ITGA8: variants seen among roughly 807,000 people sequenced by gnomAD.
ITGA8 encodes the protein integrin subunit alpha 8.
A neutral mutation model predicts 142.3 loss-of-function variants in ITGA8; 91 were observed. That is an observed-to-expected ratio of 0.64 (90% CI 0.54 to 0.76). ITGA8 has a LOEUF of 0.76. Ranked by LOEUF, ITGA8 falls within the 30% of genes least tolerant of loss-of-function variation. ITGA8 has a pLI of 0.00. For missense variants in ITGA8, 1,406 were observed against 1,327.7 expected (o/e 1.06, Z -0.92); for synonymous variants, 505 against 485.2 (o/e 1.04, Z -0.54).
chr10:15,678,634 G>T, intron 5 of ITGA8, 88 bp downstream of exon 5: 2 of 811,282 alleles, frequency 2.5e-6, no homozygotes, highest in Non-Finnish European at 4.2e-6. Context: ...TTTGGTGGTG[G>T]TGGTGGTTTT....
At chr10:15,529,258 G>A (rs1258712935) in intron 28 of ITGA8, among the ~76,000 whole-genome samples, 1 of 152,148 alleles carries the variant, frequency 6.6e-6, no homozygotes, top group Non-Finnish European at 1.5e-5. Context: ...GCCAGAGAAG[G>A]GGAGACATTT....
rs1833217818 is a variant in ITGA8, at chr10:15,607,598, A to G, written c.1764+79T>C. On this transcript the variant is annotated intron_variant, in intron 17 of 29. Coordinates refer to ENST00000378076, the MANE Select transcript of ITGA8 (RefSeq NM_003638.3). ...CAGATGGGGGTCTATGCAGACAAACATGATGGTTAAATGGAGAAAAATGGT... is the reference window on the plus strand; with the variant it reads ...CAGATGGGGGTCTATGCAGACAAACGTGATGGTTAAATGGAGAAAAATGGT... 4 of 1,382,610 alleles carry G rather than the reference A, an allele frequency of 2.9e-6. No individual in the cohort carries two copies. In the South Asian group the frequency reaches 3.5e-5, roughly 12 times the overall value. 85.6% of individuals were successfully genotyped at this position (1,382,610 alleles called of 1,614,324 possible). A position where few individuals can be genotyped will look rare whatever the true frequency, so the allele number is the denominator to read the frequency against.
chr10:15,694,296 ATATATATGATAATATATCATATATAT>A, intron 2 of ITGA8, among the ~76,000 whole-genome samples: 1 of 93,588 alleles, frequency 1.1e-5, no homozygotes, highest in South Asian at 3.3e-4. Context: ...ATAATATATC[ATATATATGATAATATATCATATATAT>A]GATAATATAT....
Position 15,515,732 on chromosome 10 carries a change from G to C in ITGA8, c.*1426C>G, listed in dbSNP as rs1209192275. The C allele has an allele frequency of 6.6e-6, 1 of 151,972 alleles. No individual in the cohort carries two copies. Among genetic ancestry groups the C allele is most frequent in the African/African-American group, 2.4e-5 (1 of 41,346 alleles). The allele number at this position is 151,972 out of a possible 1,614,324, so 9.4% of individuals were successfully genotyped here. A position where few individuals can be genotyped will look rare whatever the true frequency, so the allele number is the denominator to read the frequency against. On this transcript the variant is annotated 3_prime_UTR_variant, in exon 30 of 30. Transcript: ENST00000378076. Reference sequence around the variant, plus strand: ...CATTATTAAAAAAGGATACAAAATTGTGCAGACTACCTATAAATTTGGCTG... The same window carrying C: ...CATTATTAAAAAAGGATACAAAATTCTGCAGACTACCTATAAATTTGGCTG...
rs973149392 is a variant in ITGA8, at chr10:15,647,502, C to T, written c.1002-451G>A. ...ACGGAGTCTCGCTCTGTCGCCCAGG[C>T]CGGACTGCGGACTGCAGTGGCGCAA... On this transcript the variant is annotated intron_variant, in intron 11 of 29. Transcript: ENST00000378076. Among the ~76,000 whole-genome samples, 9 of 135,478 alleles carry T rather than the reference C, an allele frequency of 6.6e-5. No individual in the cohort carries two copies. In the East Asian group the frequency reaches 6.8e-4, roughly 10 times the overall value. The allele number at this position is 135,478 out of a possible 152,430, so 88.9% of individuals were successfully genotyped here. A position where few individuals can be genotyped will look rare whatever the true frequency, so the allele number is the denominator to read the frequency against.
At chr10:15,627,430 A>G (rs1222569788) in intron 13 of ITGA8, among the ~76,000 whole-genome samples, 7 of 152,314 alleles carry the variant, frequency 4.6e-5, no homozygotes, top group Non-Finnish European at 8.8e-5. Flanking sequence ...TACGCTGGCT[A>G]TCTCGTGAAC....
chr10:15,641,568 C>T (rs1833872371), intron 13 of ITGA8, among the ~76,000 whole-genome samples: 1 of 152,036 alleles, frequency 6.6e-6, no homozygotes, highest in Non-Finnish European at 1.5e-5. Flanking sequence ...ACAAGATATC[C>T]ATATTCCTAT....
intron 18 of ITGA8, 120 bp from the exon 19 acceptor site, chr10:15,605,911 T>G: frequency 1.2e-6 from 1 of 834,250 alleles, no homozygotes; most frequent in Non-Finnish European, 2.0e-6. Context: ...TATGCATGAC[T>G]CTACCCAAGC....
intron 13 of ITGA8, among the ~76,000 whole-genome samples, chr10:15,637,830 G>A (rs1006584322): frequency 6.6e-6 from 1 of 151,062 alleles, no homozygotes; most frequent in Admixed American, 6.6e-5. Context: ...AAATTGGCTT[G>A]ATGTTTTCCA....
At chr10:15,603,258 TTTG>T (rs1833134756) in intron 20 of ITGA8, among the ~76,000 whole-genome samples, 1 of 152,198 alleles carries the variant, frequency 6.6e-6, no homozygotes, top group South Asian at 2.1e-4. Context: ...ACAACAACAG[TTTG>T]TTAACATCTG....
At position 15,572,306 on chromosome 10, in the gene ITGA8, C is replaced by A. The variant is rs146071511; in HGVS notation, c.2542G>T (p.Ala848Ser). 168 of 1,613,868 alleles carry A rather than the reference C, an allele frequency of 1.0e-4. 1 individual carries two copies. In the Middle Eastern group the frequency reaches 1.2e-3, roughly 11 times the overall value. The part of the protein sequence containing the change: ...TILEVGWPFS[A>S]RDEFLLYIFH... ...ATATAGAGAAGAAATTCATCCCGGG[C>A]AGAGAAAGGCCAGCCCACCTCCAGG... Residue 848 changes from alanine (A) to serine (S), a missense_variant, in exon 25 of 30, where the codon GCC (alanine) becomes TCC (serine). Transcript: ENST00000378076.
intron 25 of ITGA8, among the ~76,000 whole-genome samples, chr10:15,571,390 G>A (rs1021438338): frequency 6.6e-6 from 1 of 152,210 alleles, no homozygotes; most frequent in African/African-American, 2.4e-5. Context: ...CTTACATGAA[G>A]TTATCTCCTA....
At chr10:15,543,621 G>A (rs920579532) in intron 27 of ITGA8, among the ~76,000 whole-genome samples, 2 of 152,174 alleles carry the variant, frequency 1.3e-5, no homozygotes, top group African/African-American at 4.8e-5. Context: ...AGTAAGGTTG[G>A]TGAAGTAGTT....
intron 13 of ITGA8, among the ~76,000 whole-genome samples, chr10:15,621,645 G>C (rs1002991986): frequency 6.6e-6 from 1 of 152,034 alleles, no homozygotes; most frequent in Admixed American, 6.6e-5. Context: ...GGGAGGGAGA[G>C]TGAACCCCTC....
chr10:15,702,637 G>A (rs980305234), intron 2 of ITGA8, among the ~76,000 whole-genome samples: 12 of 151,986 alleles, frequency 7.9e-5, no homozygotes, highest in African/African-American at 2.7e-4. Flanking sequence ...GTATTGGTTG[G>A]GCTTCCTTTC....
chr10:15,630,949 G>A (rs1275920004), intron 13 of ITGA8, among the ~76,000 whole-genome samples: 1 of 151,900 alleles, frequency 6.6e-6, no homozygotes, highest in Non-Finnish European at 1.5e-5. Context: ...TCATACGTTT[G>A]TTGGCTGCAT....
intron 23 of ITGA8, among the ~76,000 whole-genome samples, chr10:15,584,893 C>A (rs1260225379): frequency 1.3e-5 from 2 of 152,142 alleles, no homozygotes; most frequent in East Asian, 3.9e-4. Flanking sequence ...CCTGTCTCTA[C>A]TAAAAATACA....
chr10:15,626,587 C>G (rs887768193), intron 13 of ITGA8, among the ~76,000 whole-genome samples: 1 of 152,120 alleles, frequency 6.6e-6, no homozygotes, highest in Non-Finnish European at 1.5e-5. Flanking sequence ...TCTGCACCCT[C>G]GATTCCCTTG....
At chr10:15,682,569 T>A (rs2131701308) in intron 4 of ITGA8, among the ~76,000 whole-genome samples, 1 of 152,248 alleles carries the variant, frequency 6.6e-6, no homozygotes, top group Non-Finnish European at 1.5e-5. Context: ...AGGTTAAATG[T>A]TCAAGCCAGG....
Sources: gnomAD v4.1 joint callset for allele counts (sites outside exome capture counted in the v4.1 genomes callset) on GRCh38, gnomAD v4.1.1 for gene constraint, MANE v1.5 for transcripts, NCBI Gene and HGNC (gene_info 2026-07-23, HGNC 2026-07-21) for gene names.